The following RABGAP1L variants were observed in gnomAD, a reference collection of about 807,000 sequenced individuals.
RABGAP1L encodes rab GTPase-activating protein 1-like.
Under a neutral mutation model 137.7 loss-of-function variants are expected in RABGAP1L, and 63 were observed. That is an observed-to-expected ratio of 0.46 (90% CI 0.37 to 0.56). The LOEUF (loss-of-function observed/expected upper bound fraction) is 0.56, where lower values mean the gene tolerates loss of function less well. Among genes scored for constraint, RABGAP1L ranks in the 20% least tolerant of loss-of-function variants. The probability of loss-of-function intolerance (pLI) is 0.00; values close to 1 mark genes in which losing one functional copy is unlikely to be tolerated. For missense variants in RABGAP1L, 1,095 were observed against 1,244.0 expected (o/e 0.88, Z 1.80); for synonymous variants, 431 against 433.7 (o/e 0.99, Z 0.08).
intron 13 of RABGAP1L, among the ~76,000 whole-genome samples, chr1:174,419,310 C>G (rs775755045): frequency 2.0e-5 from 3 of 152,168 alleles, no homozygotes; most frequent in Non-Finnish European, 2.9e-5. Context: ...TCATTTCGAA[C>G]AAGCTATCAG....
At chr1:174,265,763 A>G (rs1421192086) in intron 7 of RABGAP1L, among the ~76,000 whole-genome samples, 1 of 145,434 alleles carries the variant, frequency 6.9e-6, no homozygotes, top group African/African-American at 2.5e-5. Flanking sequence ...TTTTCTCTGT[A>G]CTGGTATTTT....
intron 17 of RABGAP1L, among the ~76,000 whole-genome samples, chr1:174,712,060 A>C (rs546427125): frequency 6.6e-6 from 1 of 152,328 alleles, no homozygotes; most frequent in South Asian, 2.1e-4. Context: ...CTTTGTGTCT[A>C]GCTCAAGGTT....
chr1:174,459,820 A>G (rs914214479), intron 13 of RABGAP1L, among the ~76,000 whole-genome samples: 2 of 152,142 alleles, frequency 1.3e-5, no homozygotes, highest in African/African-American at 2.4e-5. Context: ...TAGAGCCATC[A>G]TTAGAACCCA....
intron 13 of RABGAP1L, among the ~76,000 whole-genome samples, chr1:174,422,576 A>G (rs2149169130): frequency 6.6e-6 from 1 of 152,302 alleles, no homozygotes; most frequent in East Asian, 1.9e-4. Context: ...ATTGATATGC[A>G]AATACAGGCC....
At chr1:174,285,899 C>T (rs4652297) in intron 10 of RABGAP1L, among the ~76,000 whole-genome samples, 30,288 of 151,902 alleles carry the variant, frequency 0.2, 3,785 homozygotes, top group East Asian at 0.38. Flanking sequence ...GATTTGTGTA[C>T]GGTGAATCAT....
intron 1 of RABGAP1L, among the ~76,000 whole-genome samples, chr1:174,195,809 C>G (rs1219603859): frequency 1.0e-5 from 1 of 98,938 alleles, no homozygotes; most frequent in Non-Finnish European, 2.3e-5. Context: ...TTCTTTCTTT[C>G]TATCCTTCTT....
chr1:174,195,616 T>TTCCTTCCTTCCTTC (rs1553251413), intron 1 of RABGAP1L, among the ~76,000 whole-genome samples: 1 of 57,678 alleles, frequency 1.7e-5, no homozygotes, highest in Non-Finnish European at 3.9e-5. Flanking sequence ...TTTCTTTCTT[T>TTCCTTCCTTCCTTC]CTTCCTTCCT....
At position 174,651,769 on chromosome 1, in the gene RABGAP1L, T is replaced by C. The variant is rs567631300; in HGVS notation, c.1824+14281T>C. ...GCGTTTCTTGAATACAGCACACTGA[T>C]AGGTCTTGACTCTTTATCCAATTTG... On this transcript the variant is annotated intron_variant, in intron 14 of 25. Coordinates refer to ENST00000681986, the MANE Select transcript of RABGAP1L (RefSeq NM_001366446.1). Among the ~76,000 whole-genome samples, 5 of 152,358 alleles carry C rather than the reference T, an allele frequency of 3.3e-5. No individual in the cohort carries two copies. In the East Asian group the frequency reaches 7.7e-4, roughly 23 times the overall value.
chr1:174,928,301 T>A lies in RABGAP1L; in HGVS notation c.2341-29156T>A, dbSNP rs539883435. 2.6e-5 allele frequency among the ~76,000 whole-genome samples: 4 copies of A among 152,204 alleles called. No homozygotes were observed. In the South Asian group the frequency reaches 8.3e-4, roughly 32 times the overall value. ...TAGACCGTTGAATCTTTGTACATCC[T>A]CCTATGCCATACAAACCTTAATCTT... is the stretch of plus-strand genomic sequence containing the variant. On this transcript the variant is annotated intron_variant, in intron 19 of 25. Coordinates refer to ENST00000681986, the MANE Select transcript of RABGAP1L (RefSeq NM_001366446.1).
chr1:174,919,057 C>G (rs1299435652), intron 19 of RABGAP1L, among the ~76,000 whole-genome samples: 2 of 146,606 alleles, frequency 1.4e-5, no homozygotes, highest in Non-Finnish European at 3.0e-5. Context: ...CTTGCTCTTT[C>G]ACCCAGGCTG....
At chr1:174,612,998 A>C (rs2148221227) in intron 13 of RABGAP1L, among the ~76,000 whole-genome samples, 2 of 151,646 alleles carry the variant, frequency 1.3e-5, no homozygotes, top group East Asian at 3.9e-4. Flanking sequence ...TGATCCTTTC[A>C]AAAAACCAGG....
chr1:174,389,365 C>T (rs1041271283), intron 12 of RABGAP1L, among the ~76,000 whole-genome samples: 1 of 151,778 alleles, frequency 6.6e-6, no homozygotes, highest in Non-Finnish European at 1.5e-5. Flanking sequence ...ACTTCCACCT[C>T]CTATCAAAAT....
At chr1:174,849,163 T>A (rs933246520) in intron 19 of RABGAP1L, among the ~76,000 whole-genome samples, 1 of 152,054 alleles carries the variant, frequency 6.6e-6, no homozygotes, top group African/African-American at 2.4e-5. Flanking sequence ...GTACCTCAGA[T>A]GGAAATGCAG....
chr1:174,400,750 G>T (rs1648475563), intron 13 of RABGAP1L, among the ~76,000 whole-genome samples: 1 of 152,016 alleles, frequency 6.6e-6, no homozygotes. Flanking sequence ...GTACCCTAGA[G>T]AATTTTGCAA....
chr1:174,613,808 G>A (rs932291064), intron 13 of RABGAP1L, among the ~76,000 whole-genome samples: 1 of 152,172 alleles, frequency 6.6e-6, no homozygotes, highest in African/African-American at 2.4e-5. Flanking sequence ...TTACCATTAT[G>A]TAATGGCCTT....
rs567156075 is a variant in RABGAP1L at position 174,618,232 on chromosome 1, C to T, written c.1711-19143C>T. On this transcript the variant is annotated intron_variant, in intron 13 of 25. Coordinates refer to ENST00000681986, the MANE Select transcript of RABGAP1L (RefSeq NM_001366446.1). Reference sequence around the variant, plus strand: ...CCTCTGGGGGCACAGCATAGCCAAACAAAAGGCAGCAGATTCCTCAGCAGA... The same window carrying T: ...CCTCTGGGGGCACAGCATAGCCAAATAAAAGGCAGCAGATTCCTCAGCAGA... 4.6e-5 allele frequency among the ~76,000 whole-genome samples: 7 copies of T among 152,316 alleles called. No individual in the cohort carries two copies. The East Asian group carries it at 7.7e-4, about 17-fold the overall frequency.
intron 19 of RABGAP1L, among the ~76,000 whole-genome samples, chr1:174,842,109 A>G (rs1235000273): frequency 1.3e-5 from 2 of 152,226 alleles, no homozygotes; most frequent in East Asian, 1.9e-4. Flanking sequence ...TAAACTAGGT[A>G]TATAGTTTGT....
intron 13 of RABGAP1L, among the ~76,000 whole-genome samples, chr1:174,437,416 A>G (rs1283428078): frequency 6.6e-6 from 1 of 152,218 alleles, no homozygotes; most frequent in African/African-American, 2.4e-5. Context: ...GAGCTATGTG[A>G]CGAATGCACG....
chr1:174,587,948 C>G (rs1473280378), intron 13 of RABGAP1L, among the ~76,000 whole-genome samples: 1 of 152,194 alleles, frequency 6.6e-6, no homozygotes. Context: ...ACTGCAACCT[C>G]CGCCTCCTGT....
Sources: gnomAD v4.1 joint callset for allele counts (sites outside exome capture counted in the v4.1 genomes callset) on GRCh38, gnomAD v4.1.1 for gene constraint, MANE v1.5 for transcripts, NCBI Gene and HGNC (gene_info 2026-07-23, HGNC 2026-07-21) for gene names.